DLG2: variants seen among roughly 807,000 people sequenced by gnomAD.
The protein encoded by DLG2 is disks large homolog 2.
DLG2 carries 45 observed loss-of-function variants against 132.5 expected under a neutral mutation model. The observed-to-expected ratio is 0.34, with a 90% CI of 0.27 to 0.44. The LOEUF is 0.44. DLG2 is among the 20% of genes least tolerant of loss of function. The pLI, the probability that DLG2 is intolerant of heterozygous loss-of-function variation, is 1.00. For missense variants in DLG2, 1,045 were observed against 1,196.9 expected, an observed-to-expected ratio of 0.87 and a Z score of 1.87; for synonymous variants, 424 against 419.6, an observed-to-expected ratio of 1.01 and a Z score of -0.13.
chr11:83,639,687 A>G (rs1355320053), intron 18 of DLG2, among the ~76,000 whole-genome samples: 1 of 151,990 alleles, frequency 6.6e-6, no homozygotes, highest in Admixed American at 6.6e-5. Flanking sequence ...CAGCACACCA[A>G]CATGGCACAT....
intron 15 of DLG2, among the ~76,000 whole-genome samples, chr11:83,899,002 A>C (rs1565553754): frequency 6.6e-6 from 1 of 152,212 alleles, no homozygotes; most frequent in Non-Finnish European, 1.5e-5. Flanking sequence ...TAAACAGCAC[A>C]GCTCCCATTA....
chr11:84,613,295 A>C (rs754674731), intron 6 of DLG2, among the ~76,000 whole-genome samples: 1 of 152,194 alleles, frequency 6.6e-6, no homozygotes, highest in Non-Finnish European at 1.5e-5. Context: ...TCATAACTAT[A>C]TTAGGAAAAG....
chr11:85,485,167 A>C (rs956171391), intron 3 of DLG2, among the ~76,000 whole-genome samples: 6 of 151,638 alleles, frequency 4.0e-5, no homozygotes, highest in African/African-American at 1.2e-4. Context: ...ACACATGGAC[A>C]CAGGAAGGGG....
intron 11 of DLG2, among the ~76,000 whole-genome samples, chr11:84,040,155 T>A (rs1431712886): frequency 6.6e-6 from 1 of 150,508 alleles, no homozygotes; most frequent in East Asian, 2.0e-4. Flanking sequence ...GAAAATTTTC[T>A]CCCATTTTGT....
intron 3 of DLG2, among the ~76,000 whole-genome samples, chr11:85,465,119 A>AAAAAAAAAAAAG (rs2092739932): frequency 2.4e-5 from 3 of 124,764 alleles, no homozygotes; most frequent in Non-Finnish European, 5.2e-5. Context: ...AAAAAAAAAA[A>AAAAAAAAAAAAG]GAAGCAAGAT....
At chr11:83,697,765 C>T (rs2082183904) in intron 18 of DLG2, among the ~76,000 whole-genome samples, 1 of 152,148 alleles carries the variant, frequency 6.6e-6, no homozygotes, top group Non-Finnish European at 1.5e-5. Flanking sequence ...AAGGTGCTAA[C>T]AATGCAGGTG....
chr11:85,081,806 T>C (rs903232025), intron 6 of DLG2, among the ~76,000 whole-genome samples: 15 of 152,206 alleles, frequency 9.9e-5, no homozygotes, highest in African/African-American at 3.6e-4. Context: ...CTGTGAAATC[T>C]TAATTTTTCC....
chr11:84,381,267 A>C (rs2098748305), intron 7 of DLG2, among the ~76,000 whole-genome samples: 1 of 152,092 alleles, frequency 6.6e-6, no homozygotes, highest in African/African-American at 2.4e-5. Context: ...TACTAGACCC[A>C]GATAGTTTTA....
intron 4 of DLG2, among the ~76,000 whole-genome samples, chr11:85,256,874 C>T (rs1377351977): frequency 1.3e-5 from 2 of 152,066 alleles, no homozygotes; most frequent in Admixed American, 6.6e-5. Flanking sequence ...GATAATTAAT[C>T]AGAAAATATT....
At chr11:84,169,330 T>A (rs1315840587) in intron 8 of DLG2, among the ~76,000 whole-genome samples, 1 of 152,238 alleles carries the variant, frequency 6.6e-6, no homozygotes, top group Admixed American at 6.5e-5. Flanking sequence ...TCTTCAATAA[T>A]GATAGCTATT....
intron 3 of DLG2, chr11:85,336,341 T>A (rs1021693165): frequency 1.3e-5 from 2 of 153,050 alleles, no homozygotes; most frequent in African/African-American, 4.8e-5. Flanking sequence ...CCCAGGAGGT[T>A]CTGCTGCCAT....
intron 18 of DLG2, among the ~76,000 whole-genome samples, chr11:83,720,320 A>AAAAAAAAAAAAC: frequency 6.7e-6 from 1 of 148,664 alleles, no homozygotes. Context: ...AAAAAAAAAA[A>AAAAAAAAAAAAC]AAAAAAGAAT....
At chr11:84,945,418 C>T (rs1238304260) in intron 6 of DLG2, among the ~76,000 whole-genome samples, 2 of 152,060 alleles carry the variant, frequency 1.3e-5, no homozygotes, top group Non-Finnish European at 2.9e-5. Context: ...ACAAACAAAC[C>T]CTCTCTCTCT....
chr11:83,784,267 T>C (rs952394505), intron 18 of DLG2, among the ~76,000 whole-genome samples: 2 of 152,228 alleles, frequency 1.3e-5, no homozygotes, highest in Non-Finnish European at 2.9e-5. Flanking sequence ...GGTAAATTAT[T>C]CTTTATTTCC....
intron 6 of DLG2, among the ~76,000 whole-genome samples, chr11:84,899,762 A>C (rs1243232957): frequency 1.3e-5 from 2 of 152,064 alleles, no homozygotes; most frequent in African/African-American, 4.8e-5. Context: ...TGTGTGCTAC[A>C]AGGTAAAGCT....
intron 9 of DLG2, among the ~76,000 whole-genome samples, chr11:84,125,751 T>G (rs1027742037): frequency 3.9e-5 from 6 of 152,232 alleles, no homozygotes; most frequent in Non-Finnish European, 8.8e-5. Context: ...TAAGATTTCT[T>G]ATCCTTCCAA....
chr11:84,492,967 A>G (rs1299459851), intron 7 of DLG2, among the ~76,000 whole-genome samples: 1 of 152,166 alleles, frequency 6.6e-6, no homozygotes, highest in Non-Finnish European at 1.5e-5. Flanking sequence ...TGATGTTTTG[A>G]TAAAAGGAAC....
chr11:84,595,585 T>G (rs1264743543), intron 6 of DLG2, among the ~76,000 whole-genome samples: 1 of 152,128 alleles, frequency 6.6e-6, no homozygotes, highest in African/African-American at 2.4e-5. Flanking sequence ...CACCAGGAAC[T>G]TCCTGGCTCT....
chr11:85,459,552 G>T (rs2092536270), intron 3 of DLG2, among the ~76,000 whole-genome samples: 1 of 152,140 alleles, frequency 6.6e-6, no homozygotes, highest in African/African-American at 2.4e-5. Flanking sequence ...AGCTGTGGAT[G>T]GGTGGCTATT....
Sources: allele counts gnomAD v4.1 joint callset (sites outside exome capture counted in the v4.1 genomes callset), GRCh38; gene constraint gnomAD v4.1.1; transcripts MANE v1.5; gene names NCBI Gene and HGNC (gene_info 2026-07-23, HGNC 2026-07-21).